The following TMEM30A variants were observed in gnomAD, a reference collection of about 807,000 sequenced individuals.
The protein encoded by TMEM30A is cell division cycle 50 P4-ATPase accessory subunit A.
TMEM30A carries 24 observed loss-of-function variants against 38.2 expected under a neutral mutation model. The ratio of observed to expected loss-of-function variants is 0.63; its 90% CI spans 0.46 to 0.88. The LOEUF (loss-of-function observed/expected upper bound fraction) is 0.88. TMEM30A is among the 40% of genes least tolerant of loss of function. The pLI, the probability that TMEM30A is intolerant of heterozygous loss-of-function variation, is 0.00. For missense variants in TMEM30A, 370 were observed against 458.6 expected, an observed-to-expected ratio of 0.81 and a Z score of 1.77; for synonymous variants, 145 against 161.6, an observed-to-expected ratio of 0.90 and a Z score of 0.78.
At chr6:75,261,244 T>C (rs941326970) in intron 3 of TMEM30A, among the ~76,000 whole-genome samples, 1 of 152,234 alleles carries the variant, frequency 6.6e-6, no homozygotes, top group African/African-American at 2.4e-5. Flanking sequence ...AATGGTCTAT[T>C]GCCAATCCAG....
chr6:75,264,475 A>C (rs1328780870), intron 3 of TMEM30A, among the ~76,000 whole-genome samples: 1 of 151,966 alleles, frequency 6.6e-6, no homozygotes, highest in African/African-American at 2.4e-5. Flanking sequence ...GTCTCTACTA[A>C]AAATACAAAA....
chr6:75,282,303 T>C (rs1014862762), intron 1 of TMEM30A, among the ~76,000 whole-genome samples: 1 of 152,108 alleles, frequency 6.6e-6, no homozygotes, highest in Non-Finnish European at 1.5e-5. Flanking sequence ...TTCAGGCAAC[T>C]TGAAATCAGA....
At chr6:75,262,510 G>A (rs1159993960) in intron 3 of TMEM30A, among the ~76,000 whole-genome samples, 1 of 152,110 alleles carries the variant, frequency 6.6e-6, no homozygotes, top group Non-Finnish European at 1.5e-5. Flanking sequence ...GGGCATGGTG[G>A]TGGGGGCCTA....
chr6:75,274,388 G>T (rs2149523204), intron 1 of TMEM30A, among the ~76,000 whole-genome samples: 1 of 152,200 alleles, frequency 6.6e-6, no homozygotes, highest in Non-Finnish European at 1.5e-5. Context: ...AGCCATAAGA[G>T]AAATTTTAAA....
At chr6:75,268,209 T>C (rs1772100314) in intron 1 of TMEM30A, among the ~76,000 whole-genome samples, 1 of 152,238 alleles carries the variant, frequency 6.6e-6, no homozygotes, top group Non-Finnish European at 1.5e-5. Flanking sequence ...CACCTGGTGC[T>C]GAATTTGTCT....
chr6:75,258,417 T>C (rs1771905080), intron 6 of TMEM30A, among the ~76,000 whole-genome samples: 1 of 152,116 alleles, frequency 6.6e-6, no homozygotes, highest in Non-Finnish European at 1.5e-5. Flanking sequence ...CTAAAATATA[T>C]ATATTAAAAC....
intron 1 of TMEM30A, 102 bp from the exon 2 acceptor site, chr6:75,267,850 T>G: frequency 1.4e-6 from 1 of 706,692 alleles, no homozygotes; most frequent in Non-Finnish European, 2.2e-6. Flanking sequence ...TCCAATGAAA[T>G]GACCTAGAGC....
chr6:75,279,079 G>A (rs1011218436), intron 1 of TMEM30A, among the ~76,000 whole-genome samples: 1 of 137,138 alleles, frequency 7.3e-6, no homozygotes, highest in Admixed American at 7.3e-5. Context: ...CCCAAAAGAT[G>A]CCAAGCTCCT....
At chr6:75,275,221 T>G (rs1018764282) in intron 1 of TMEM30A, among the ~76,000 whole-genome samples, 4 of 152,186 alleles carry the variant, frequency 2.6e-5, no homozygotes, top group African/African-American at 9.7e-5. Flanking sequence ...CTCAGGGATC[T>G]TCTTACTTTT....
Position 75,253,020 on chromosome 6 carries a change from G to A in TMEM30A, c.*3082C>T, listed in dbSNP as rs1771806237. ...TGAATGGTGCATGGGATAAAAAGGG[G>A]TTCTAAAACACTTTACTAGATCATC... is the stretch of plus-strand genomic sequence containing the variant. On this transcript the variant is annotated 3_prime_UTR_variant, in exon 7 of 7. Transcript: ENST00000230461. 1 of 151,894 alleles carries A rather than the reference G, an allele frequency of 6.6e-6. No individual in the cohort carries two copies. The highest frequency in any genetic ancestry group is 6.6e-5 in the Admixed American group (1 of 15,224). 9.4% of individuals were successfully genotyped at this position (151,894 alleles called of 1,614,324 possible). A position where few individuals can be genotyped will look rare whatever the true frequency, so the allele number is the denominator to read the frequency against.
chr6:75,281,057 G>T (rs1772350038), intron 1 of TMEM30A, among the ~76,000 whole-genome samples: 1 of 152,112 alleles, frequency 6.6e-6, no homozygotes, highest in South Asian at 2.1e-4. Context: ...ATCAAACGTG[G>T]GGAATGGGGA....
At chr6:75,266,637 G>C (rs1772072283) in intron 2 of TMEM30A, among the ~76,000 whole-genome samples, 1 of 152,134 alleles carries the variant, frequency 6.6e-6, no homozygotes, top group Non-Finnish European at 1.5e-5. Flanking sequence ...TTTTTTGAAT[G>C]GGAGAGAAAA....
chr6:75,281,722 C>A (rs934912580), intron 1 of TMEM30A, among the ~76,000 whole-genome samples: 2 of 152,046 alleles, frequency 1.3e-5, no homozygotes, highest in Non-Finnish European at 2.9e-5. Flanking sequence ...ATTTGACAAG[C>A]CTCCTTTGCC....
intron 1 of TMEM30A, among the ~76,000 whole-genome samples, chr6:75,273,252 AG>A (rs1246713651): frequency 2.0e-5 from 3 of 152,238 alleles, no homozygotes; most frequent in Non-Finnish European, 4.4e-5. Context: ...GCAGGAAATA[AG>A]GAACTGAAGA....
At chr6:75,269,956 G>C (rs1340380827) in intron 1 of TMEM30A, among the ~76,000 whole-genome samples, 1 of 152,148 alleles carries the variant, frequency 6.6e-6, no homozygotes, top group East Asian at 1.9e-4. Flanking sequence ...GCCTCCCAAA[G>C]TGCTGGGATT....
chr6:75,259,429 C>G lies in TMEM30A; in HGVS notation c.603G>C (p.Lys201Asn), dbSNP rs144159719. ...TATCTGTCCACCAAGCAATACCTTTCTTTTTCAAAGCGATAGGTATAGGAT... is the reference window on the plus strand; with the variant it reads ...TATCTGTCCACCAAGCAATACCTTTGTTTTTCAAAGCGATAGGTATAGGAT... ...DSYPIPIALK[K>N]KGIAWWTDKN... Residue 201 changes from lysine to asparagine, a missense_variant, in exon 5 of 7, where the codon AAG (lysine) becomes AAC (asparagine). Physicochemically the swap from Lys to Asn is moderately conservative, Grantham distance 94. Transcript: ENST00000230461. 25 of 1,613,462 alleles carry G rather than the reference C, an allele frequency of 1.5e-5. No individual in the cohort carries two copies. In the East Asian group the frequency reaches 5.1e-4, roughly 33 times the overall value.
At chr6:75,264,636 AAAAAAATAAAATAAAAT>A (rs894069916) in intron 3 of TMEM30A, among the ~76,000 whole-genome samples, 2 of 151,804 alleles carry the variant, frequency 1.3e-5, no homozygotes, top group African/African-American at 4.8e-5. Context: ...ACTCTGTCTC[AAAAAAATAAAATAAAAT>A]AAAAAATAAA....
chr6:75,267,601 A>T, intron 2 of TMEM30A, 40 bp downstream of exon 2: 1 of 1,457,284 alleles, frequency 6.9e-7, no homozygotes, highest in African/African-American at 1.4e-5. Context: ...AGTATTTTTT[A>T]AAGCATGGCT....
At chr6:75,261,166 A>C (rs565995966) in intron 3 of TMEM30A, among the ~76,000 whole-genome samples, 2 of 152,314 alleles carry the variant, frequency 1.3e-5, no homozygotes, top group African/African-American at 4.8e-5. Context: ...TATCAAATAA[A>C]CATCTTTTTG....
Sources: gnomAD v4.1 joint callset for allele counts (sites outside exome capture counted in the v4.1 genomes callset) on GRCh38, gnomAD v4.1.1 for gene constraint, MANE v1.5 for transcripts, NCBI Gene and HGNC (gene_info 2026-07-23, HGNC 2026-07-21) for gene names.